The following CRACD variants were observed in gnomAD, a reference collection of about 807,000 sequenced individuals.
The protein encoded by CRACD is capping protein inhibiting regulator of actin dynamics, also known as capping protein-inhibiting regulator of actin dynamics.
Under a neutral mutation model 106.8 loss-of-function variants are expected in CRACD, and 56 were observed. The observed-to-expected ratio is 0.52, with a 90% CI of 0.42 to 0.66. The LOEUF (loss-of-function observed/expected upper bound fraction) is 0.66. Ranked by LOEUF, CRACD falls within the 30% of genes least tolerant of loss-of-function variation. The probability of loss-of-function intolerance (pLI) is 0.00; values close to 1 mark genes in which losing one functional copy is unlikely to be tolerated. For missense variants in CRACD, 1,730 were observed against 1,623.2 expected (o/e 1.07, Z -1.13); for synonymous variants, 754 against 670.8 (o/e 1.12, Z -1.92).
At chr4:56,307,501 T>C (rs201304255) in intron 4 of CRACD, 34 bp from the exon 5 acceptor site, 1 of 1,610,810 alleles carries the variant, frequency 6.2e-7, no homozygotes, top group Non-Finnish European at 8.5e-7. Context: ...ACTGCTTCAC[T>C]GCTTCAGAAT....
intron 2 of CRACD, among the ~76,000 whole-genome samples, chr4:56,258,888 C>G (rs1288255958): frequency 3.3e-5 from 5 of 152,118 alleles, no homozygotes; most frequent in Admixed American, 3.3e-4. Flanking sequence ...ATATTTGTGT[C>G]CCATATAATG....
intron 1 of CRACD, among the ~76,000 whole-genome samples, chr4:56,076,942 C>T (rs1732859778): frequency 6.6e-6 from 1 of 152,104 alleles, no homozygotes; most frequent in Non-Finnish European, 1.5e-5. Flanking sequence ...GCAGTCATTT[C>T]TGAACTCTAC....
At chr4:56,104,282 T>C (rs1733873018) in intron 1 of CRACD, among the ~76,000 whole-genome samples, 1 of 152,028 alleles carries the variant, frequency 6.6e-6, no homozygotes, top group Non-Finnish European at 1.5e-5. Flanking sequence ...TAGTCCCAGC[T>C]GTTTGGTGGG....
chr4:56,129,128 T>C (rs932378124), intron 1 of CRACD, among the ~76,000 whole-genome samples: 3 of 152,050 alleles, frequency 2.0e-5, no homozygotes, highest in Admixed American at 2.0e-4. Context: ...CGGGCTGGAG[T>C]GTGGTAGCAT....
chr4:56,148,679 T>C (rs1204311794), intron 1 of CRACD, among the ~76,000 whole-genome samples: 4 of 152,260 alleles, frequency 2.6e-5, no homozygotes, highest in African/African-American at 7.2e-5. Flanking sequence ...GCATCATTTA[T>C]GTTTTTCATT....
intron 1 of CRACD, among the ~76,000 whole-genome samples, chr4:56,142,802 T>C (rs113021557): frequency 6.6e-5 from 10 of 152,126 alleles, no homozygotes; most frequent in African/African-American, 2.4e-4. Context: ...ATATAATTTC[T>C]TCTATGCTGA....
chr4:56,067,659 TCCA>T (rs1732506070), intron 1 of CRACD, among the ~76,000 whole-genome samples: 2 of 152,192 alleles, frequency 1.3e-5, no homozygotes, highest in African/African-American at 4.8e-5. Context: ...CACTGCAATC[TCCA>T]CCTCCCGGGT....
chr4:56,180,016 CA>C (rs967967361), intron 2 of CRACD, among the ~76,000 whole-genome samples: 179 of 135,592 alleles, frequency 1.3e-3, no homozygotes, highest in African/African-American at 2.5e-3. Flanking sequence ...GACTCTGTCT[CA>C]AAAAAAAAAA....
chr4:56,144,763 T>A (rs967002898), intron 1 of CRACD, among the ~76,000 whole-genome samples: 2 of 151,998 alleles, frequency 1.3e-5, no homozygotes, highest in Non-Finnish European at 2.9e-5. Context: ...TCAGGTGATT[T>A]CCTGTCTCAG....
intron 1 of CRACD, among the ~76,000 whole-genome samples, chr4:56,159,416 C>T (rs751970418): frequency 6.6e-6 from 1 of 152,106 alleles, no homozygotes; most frequent in Non-Finnish European, 1.5e-5. Flanking sequence ...TTTGGGAGGC[C>T]GAGGCGGGTG....
chr4:56,257,028 C>T (rs1017891501), intron 2 of CRACD, among the ~76,000 whole-genome samples: 1 of 150,832 alleles, frequency 6.6e-6, no homozygotes, highest in Non-Finnish European at 1.5e-5. Flanking sequence ...TAACAGGTAG[C>T]AGGCTCTGAA....
chr4:56,229,581 A>G (rs1264529831), intron 2 of CRACD, among the ~76,000 whole-genome samples: 1 of 152,222 alleles, frequency 6.6e-6, no homozygotes, highest in Non-Finnish European at 1.5e-5. Context: ...AAGGGCCTCT[A>G]CCATGCTATG....
At chr4:56,319,263 A>G (rs956263296) in intron 8 of CRACD, among the ~76,000 whole-genome samples, 2 of 152,124 alleles carry the variant, frequency 1.3e-5, no homozygotes, top group African/African-American at 2.4e-5. Flanking sequence ...TGGCCTTTGA[A>G]TATATGGGCT....
intron 1 of CRACD, among the ~76,000 whole-genome samples, chr4:56,095,761 A>G (rs1733579317): frequency 6.6e-6 from 1 of 152,168 alleles, no homozygotes; most frequent in Non-Finnish European, 1.5e-5. Context: ...ATATAATCCA[A>G]CTTATCGAGG....
chr4:56,277,664 C>T (rs1221637498), intron 3 of CRACD, among the ~76,000 whole-genome samples: 2 of 152,010 alleles, frequency 1.3e-5, no homozygotes, highest in Non-Finnish European at 2.9e-5. Flanking sequence ...ATAGCTGGGA[C>T]ATTTAGAAAA....
At chr4:56,276,666 C>T (rs1742691308) in intron 3 of CRACD, among the ~76,000 whole-genome samples, 1 of 152,184 alleles carries the variant, frequency 6.6e-6, no homozygotes, top group Non-Finnish European at 1.5e-5. Flanking sequence ...ATAAAGAGTG[C>T]ATTCTTAAAC....
chr4:56,162,512 T>G lies in CRACD; in HGVS notation c.-335-16772T>G, dbSNP rs193045550. 6.1e-3 allele frequency among the ~76,000 whole-genome samples: 930 copies of G among 152,368 alleles called. 9 individuals carry two copies. The highest frequency in any genetic ancestry group is 0.02 in the African/African-American group (824 of 41,586). On this transcript the variant is annotated intron_variant, in intron 1 of 10. Transcript: ENST00000682029. ...ATGAGCCACCATGCCTAGCTGGGCT[T>G]GAATTTTTAAATTGCATCATTTGGA...
chr4:56,051,602 A>G (rs1252597355), intron 1 of CRACD, among the ~76,000 whole-genome samples: 1 of 152,200 alleles, frequency 6.6e-6, no homozygotes, highest in Non-Finnish European at 1.5e-5. Context: ...CACTAAAGCA[A>G]CAATGCCAGG....
chr4:56,146,843 A>C (rs1178862371), intron 1 of CRACD, among the ~76,000 whole-genome samples: 1 of 152,178 alleles, frequency 6.6e-6, no homozygotes, highest in Non-Finnish European at 1.5e-5. Flanking sequence ...AAGTCAAAGC[A>C]TGAGAAGCAA....
Sources: allele counts gnomAD v4.1 joint callset (sites outside exome capture counted in the v4.1 genomes callset), GRCh38; gene constraint gnomAD v4.1.1; transcripts MANE v1.5; gene names NCBI Gene and HGNC (gene_info 2026-07-23, HGNC 2026-07-21).